The following PTPRF variants were observed in gnomAD, a reference collection of about 807,000 sequenced individuals.
The protein encoded by PTPRF is receptor-type tyrosine-protein phosphatase F.
Under a neutral mutation model 201.8 loss-of-function variants are expected in PTPRF, and 59 were observed. The observed-to-expected ratio is 0.29, with a 90% CI of 0.24 to 0.36. The LOEUF (loss-of-function observed/expected upper bound fraction) is 0.36, where lower values mean the gene tolerates loss of function less well. Among genes scored for constraint, PTPRF ranks in the 10% least tolerant of loss-of-function variants. The probability of loss-of-function intolerance (pLI) is 1.00; values close to 1 mark genes in which losing one functional copy is unlikely to be tolerated. For missense variants in PTPRF, 2,132 were observed against 2,690.5 expected (o/e 0.79, Z 4.59); for synonymous variants, 1,088 against 1,089.7 (o/e 1.00, Z 0.03).
At chr1:43,570,390 A>C (rs1646487354) in intron 6 of PTPRF, among the ~76,000 whole-genome samples, 1 of 152,230 alleles carries the variant, frequency 6.6e-6, no homozygotes, top group African/African-American at 2.4e-5. Flanking sequence ...TAATTGATTC[A>C]GTTTTTGTGG....
At chr1:43,614,890 T>C (rs1271306626) in intron 23 of PTPRF, among the ~76,000 whole-genome samples, 3 of 151,922 alleles carry the variant, frequency 2.0e-5, no homozygotes, top group Admixed American at 2.0e-4. Flanking sequence ...AAAAAGAGTA[T>C]TTTTACTTAA....
chr1:43,592,078 G>C (rs1570414281), intron 10 of PTPRF, 130 bp downstream of exon 10: 1 of 1,324,930 alleles, frequency 7.5e-7, no homozygotes, highest in Non-Finnish European at 1.0e-6. Context: ...TTCTGCTGGA[G>C]GCTTAGTGGT....
At chr1:43,561,337 C>T (rs1261188807) in intron 5 of PTPRF, among the ~76,000 whole-genome samples, 3 of 152,168 alleles carry the variant, frequency 2.0e-5, no homozygotes, top group African/African-American at 7.2e-5. Context: ...TGCTCCAAAC[C>T]TGTATATTCC....
At chr1:43,534,129 G>C (rs539583326) in intron 1 of PTPRF, among the ~76,000 whole-genome samples, 6 of 152,270 alleles carry the variant, frequency 3.9e-5, no homozygotes, top group Admixed American at 1.3e-4. Flanking sequence ...AGAGAGAAAG[G>C]ACTTGAGATA....
At chr1:43,608,868 A>G (rs1655780909) in intron 21 of PTPRF, among the ~76,000 whole-genome samples, 1 of 152,174 alleles carries the variant, frequency 6.6e-6, no homozygotes, top group South Asian at 2.1e-4. Context: ...GTAGATGGGA[A>G]AACTGAGGCC....
At chr1:43,583,490 G>A (rs930594687) in intron 7 of PTPRF, among the ~76,000 whole-genome samples, 2 of 152,200 alleles carry the variant, frequency 1.3e-5, no homozygotes, top group Non-Finnish European at 2.9e-5. Context: ...GTAGCGCTTT[G>A]TGTGCACCTG....
chr1:43,538,057 T>G (rs1470472072), intron 1 of PTPRF, 141 bp from the exon 2 acceptor site: 3 of 393,298 alleles, frequency 7.6e-6, no homozygotes, highest in African/African-American at 6.2e-5. Context: ...TTTTACCAGA[T>G]GGGGATGGTT....
intron 3 of PTPRF, among the ~76,000 whole-genome samples, chr1:43,551,859 G>A (rs79858177): frequency 6.6e-6 from 1 of 152,254 alleles, no homozygotes; most frequent in African/African-American, 2.4e-5. Flanking sequence ...GGAAAAAAGA[G>A]GCTCAGAGAT....
intron 10 of PTPRF, 97 bp from the exon 11 acceptor site, chr1:43,592,360 T>C (rs1469530407): frequency 3.5e-6 from 5 of 1,420,848 alleles, no homozygotes; most frequent in Non-Finnish European, 4.7e-6. Flanking sequence ...GGAGCCGTGG[T>C]GGGTCCAGAG....
At position 43,597,741 on chromosome 1, in the gene PTPRF, TCCCCA is replaced by T; in HGVS notation, c.1814-6_1814-2del. 1 of 1,517,908 alleles carries T rather than the reference TCCCCA, an allele frequency of 6.6e-7. No individual in the cohort carries two copies. The highest frequency in any genetic ancestry group is 9.0e-7 in the Non-Finnish European group (1 of 1,113,536). 94.0% of individuals were successfully genotyped at this position (1,517,908 alleles called of 1,614,324 possible). A position where few individuals can be genotyped will look rare whatever the true frequency, so the allele number is the denominator to read the frequency against. ...CTGCTTGCTTCCCCCCCATTTGTCT[TCCCCA>T]GCCCCCTCCGCCCCTCCCCAGAAGG... On this transcript the variant is annotated splice_acceptor_variant and splice_polypyrimidine_tract_variant and intron_variant, in intron 11 of 33. Transcript: ENST00000359947. LOFTEE classifies it high-confidence loss of function.
intron 5 of PTPRF, among the ~76,000 whole-genome samples, chr1:43,555,591 G>A (rs2153974495): frequency 6.6e-6 from 1 of 151,826 alleles, no homozygotes; most frequent in East Asian, 1.9e-4. Context: ...GACTACAGGT[G>A]CGCACCACCA....
Position 43,588,625 on chromosome 1 carries a change from G to C in PTPRF, c.680-106G>C. ...TGCCACCCCTCCTGTCTCTGAGCAT[G>C]GGTTTGGCTCTGACCAGAGGGGCTT... On this transcript the variant is annotated intron_variant, in intron 7 of 33. Transcript: ENST00000359947. The surrounding 1 kb of genome is among the most constrained non-coding windows in gnomAD (Gnocchi z 5.3). The C allele has an allele frequency of 7.0e-7, 1 of 1,420,456 alleles. No homozygotes were observed. The highest frequency in any genetic ancestry group is 2.4e-5 in the East Asian group (1 of 42,126). The allele number at this position is 1,420,456 out of a possible 1,614,324, so 88.0% of individuals were successfully genotyped here.
chr1:43,571,851 A>C (rs1450774248), intron 6 of PTPRF, among the ~76,000 whole-genome samples: 36 of 152,144 alleles, frequency 2.4e-4, no homozygotes, highest in Non-Finnish European at 7.4e-5. Context: ...TCCTGGCTAC[A>C]CCACTTACCA....
intron 11 of PTPRF, among the ~76,000 whole-genome samples, chr1:43,594,042 G>T (rs1295866304): frequency 6.6e-6 from 1 of 152,092 alleles, no homozygotes; most frequent in Non-Finnish European, 1.5e-5. Context: ...ATGTCTGTCT[G>T]CCCTGCTGGA....
intron 10 of PTPRF, 146 bp downstream of exon 10, chr1:43,592,094 C>T (rs1035690794): frequency 9.3e-6 from 11 of 1,185,694 alleles, no homozygotes; most frequent in Middle Eastern, 2.3e-4. Flanking sequence ...GTGGTGCATG[C>T]GTGTCATGTG....
chr1:43,615,482 G>A (rs1398169532), intron 23 of PTPRF, among the ~76,000 whole-genome samples: 1 of 150,098 alleles, frequency 6.7e-6, no homozygotes, highest in Non-Finnish European at 1.5e-5. Flanking sequence ...TCCTCCTCCA[G>A]GAAGCCTTCT....
chr1:43,612,658 G>T (rs915462913), intron 22 of PTPRF: 2 of 966,974 alleles, frequency 2.1e-6, no homozygotes, highest in Non-Finnish European at 2.9e-6. Flanking sequence ...TCGCAAGCCC[G>T]CTCGGCACCT....
chr1:43,572,532 C>T (rs77955289), intron 6 of PTPRF, among the ~76,000 whole-genome samples: 2,913 of 152,272 alleles, frequency 0.019, 97 homozygotes, highest in African/African-American at 0.067. Flanking sequence ...CTGACCTGGC[C>T]TGGGACCGTT....
chr1:43,526,236 T>C (rs1007309827), upstream of PTPRF, among the ~76,000 whole-genome samples: 22 of 152,010 alleles, frequency 1.4e-4, no homozygotes, highest in African/African-American at 4.1e-4. Context: ...CAGTGTTCAT[T>C]GAGAAATTAA....
Sources: gnomAD v4.1 joint callset for allele counts (sites outside exome capture counted in the v4.1 genomes callset) on GRCh38, gnomAD v4.1.1 for gene constraint, Gnocchi (gnomAD v3.1) non-coding constraint, MANE v1.5 for transcripts, NCBI Gene and HGNC (gene_info 2026-07-23, HGNC 2026-07-21) for gene names.